Variants in KSR2 observed in about 807,000 individuals in gnomAD.
KSR2 encodes the protein kinase suppressor of ras 2.
KSR2 carries 25 observed loss-of-function variants against 107.8 expected under a neutral mutation model. That is an observed-to-expected ratio of 0.23 (90% confidence interval 0.17 to 0.32). The LOEUF is 0.32. Ranked by LOEUF, KSR2 falls within the 10% of genes least tolerant of loss-of-function variation. The pLI is 1.00. For synonymous variants in KSR2, 480 were observed against 507.0 expected (o/e 0.95, Z 0.71); for missense variants, 887 against 1,268.9 (o/e 0.70, Z 4.57).
chr12:117,900,578 TCA>T (rs1491481829), intron 1 of KSR2, among the ~76,000 whole-genome samples: 7 of 146,646 alleles, frequency 4.8e-5, no homozygotes, highest in African/African-American at 1.8e-4. Context: ...ATATGTTGCA[TCA>T]TACAGTAGGC....
chr12:117,817,736 A>G (rs1891422422), intron 3 of KSR2, among the ~76,000 whole-genome samples: 3 of 152,238 alleles, frequency 2.0e-5, no homozygotes, highest in African/African-American at 4.8e-5. Context: ...TCAGGAGGCT[A>G]TGACAATGGA....
chr12:117,947,526 C>T (rs949749446), intron 1 of KSR2, among the ~76,000 whole-genome samples: 5 of 151,950 alleles, frequency 3.3e-5, no homozygotes. Context: ...TCCCATCCAA[C>T]ATTGTAATGG....
intron 3 of KSR2, among the ~76,000 whole-genome samples, chr12:117,786,125 T>C (rs1205597803): frequency 6.6e-6 from 1 of 152,052 alleles, no homozygotes; most frequent in Non-Finnish European, 1.5e-5. Context: ...TGACAGGAGA[T>C]TTCTTATCAA....
intron 14 of KSR2, among the ~76,000 whole-genome samples, chr12:117,512,967 C>A (rs963034258): frequency 1.1e-4 from 17 of 152,130 alleles, no homozygotes; most frequent in African/African-American, 4.1e-4. Context: ...AATACAGTTT[C>A]TCTTGGAGGA....
At position 117,463,407 on chromosome 12, in the gene KSR2, C is replaced by T. The variant is rs1023101992; in HGVS notation, c.*3792G>A. 3 of 152,194 alleles carry T rather than the reference C, an allele frequency of 2.0e-5. No individual in the cohort carries two copies. Among genetic ancestry groups the T allele is most frequent in the Non-Finnish European group, 2.9e-5 (2 of 68,044 alleles). The allele number at this position is 152,194 out of a possible 1,614,324, so 9.4% of individuals were successfully genotyped here. On this transcript the variant is annotated 3_prime_UTR_variant, in exon 20 of 20. Transcript: ENST00000339824. ...TCCAATCCTCTCTATCAAAGGCTAG[C>T]AAAGTTAGGAAAGGGCCAGATTGTA...
At chr12:117,476,177 C>T (rs557406909) in intron 17 of KSR2, among the ~76,000 whole-genome samples, 1 of 152,354 alleles carries the variant, frequency 6.6e-6, no homozygotes, top group South Asian at 2.1e-4. Flanking sequence ...CCTGCATCTG[C>T]TACAATCCTA....
chr12:117,806,915 G>C (rs1055941303), intron 3 of KSR2, among the ~76,000 whole-genome samples: 1 of 152,198 alleles, frequency 6.6e-6, no homozygotes. Context: ...CTGCTGTACA[G>C]GCTGGGGCCT....
intron 16 of KSR2, among the ~76,000 whole-genome samples, chr12:117,482,513 A>G (rs925016464): frequency 6.6e-6 from 1 of 152,052 alleles, no homozygotes; most frequent in Non-Finnish European, 1.5e-5. Flanking sequence ...ATGTTGCTGA[A>G]GGCACTCCCT....
intron 3 of KSR2, among the ~76,000 whole-genome samples, chr12:117,829,005 G>C (rs1250670216): frequency 6.6e-6 from 1 of 152,144 alleles, no homozygotes; most frequent in Non-Finnish European, 1.5e-5. Flanking sequence ...CCTGTGGATG[G>C]GGTGACCTTG....
intron 1 of KSR2, among the ~76,000 whole-genome samples, chr12:117,944,095 G>C (rs1038458762): frequency 2.0e-5 from 3 of 152,176 alleles, no homozygotes; most frequent in African/African-American, 7.2e-5. Flanking sequence ...ACCCAGTCTT[G>C]GCCCGGAGCG....
At chr12:117,939,027 T>G (rs1467166455) in intron 1 of KSR2, among the ~76,000 whole-genome samples, 1 of 152,052 alleles carries the variant, frequency 6.6e-6, no homozygotes, top group Non-Finnish European at 1.5e-5. Context: ...TAGACTTGTT[T>G]TCCTGTAAAG....
chr12:117,509,689 A>G (rs57431608), intron 14 of KSR2, among the ~76,000 whole-genome samples: 40,092 of 151,966 alleles, frequency 0.26, 5,575 homozygotes, highest in East Asian at 0.47. Flanking sequence ...CTGCACCTCC[A>G]AGTCCCGAAG....
chr12:117,761,427 C>G lies in KSR2; in HGVS notation c.570G>C (p.Trp190Cys), dbSNP rs1286167585. The G allele has an allele frequency of 1.9e-6, 3 of 1,612,242 alleles. No individual in the cohort carries two copies. The highest frequency in any genetic ancestry group is 1.1e-5 in the South Asian group (1 of 91,006). ...GGCTCTGGGAGAGATGGGTGCGGAT[C>G]CACGGGGTGGGCTCCGGGGGGCACA... Reference protein sequence around the residue: ...NPVCPPEPTPWIRTHLSQSPR... With the variant: ...NPVCPPEPTPCIRTHLSQSPR... The change falls in exon 4 of 20, where the codon TGG becomes TGC. Residue 190 changes from tryptophan to cysteine, a missense_variant. By Grantham distance (215) the Trp-to-Cys change is radical. Coordinates refer to ENST00000339824, the MANE Select transcript of KSR2 (RefSeq NM_173598.6).
chr12:117,491,595 C>T (rs11068511), intron 14 of KSR2, among the ~76,000 whole-genome samples: 15,688 of 152,220 alleles, frequency 0.1, 1,467 homozygotes, highest in African/African-American at 0.25. Flanking sequence ...TAATACTCCG[C>T]CGCATTTATA....
At chr12:117,539,592 TG>T in intron 10 of KSR2, 126 bp downstream of exon 10, 1 of 851,684 alleles carries the variant, frequency 1.2e-6, no homozygotes, top group Non-Finnish European at 1.7e-6. Flanking sequence ...TGCCCCTCTC[TG>T]GTCATTGACC....
At chr12:117,779,987 A>T (rs925706916) in intron 3 of KSR2, among the ~76,000 whole-genome samples, 2 of 152,158 alleles carry the variant, frequency 1.3e-5, no homozygotes, top group African/African-American at 4.8e-5. Flanking sequence ...TGATCTGAAG[A>T]TGCACAGTCT....
chr12:117,704,114 T>G (rs1157711445), intron 4 of KSR2, among the ~76,000 whole-genome samples: 4 of 152,136 alleles, frequency 2.6e-5, no homozygotes, highest in African/African-American at 7.2e-5. Flanking sequence ...GCATTTCATA[T>G]TCATATTCGT....
At chr12:117,811,758 T>C (rs1189665099) in intron 3 of KSR2, among the ~76,000 whole-genome samples, 4 of 152,222 alleles carry the variant, frequency 2.6e-5, no homozygotes, top group African/African-American at 9.6e-5. Flanking sequence ...GTTACTAATG[T>C]TATCACTACA....
chr12:117,695,045 T>C (rs1885995198), intron 4 of KSR2, among the ~76,000 whole-genome samples: 1 of 152,004 alleles, frequency 6.6e-6, no homozygotes, highest in Non-Finnish European at 1.5e-5. Context: ...GAGACAGGGT[T>C]TCACCATGTT....
Sources: allele counts gnomAD v4.1 joint callset (sites outside exome capture counted in the v4.1 genomes callset), GRCh38; gene constraint gnomAD v4.1.1; transcripts MANE v1.5; gene names NCBI Gene and HGNC (gene_info 2026-07-23, HGNC 2026-07-21).